The following PFKFB3 variants were observed in gnomAD, a reference collection of about 807,000 sequenced individuals.
PFKFB3 encodes the protein 6-phosphofructo-2-kinase/fructose-2,6-bisphosphatase 3.
PFKFB3 carries 33 observed loss-of-function variants against 68.0 expected under a neutral mutation model. The observed-to-expected ratio is 0.49, with a 90% CI of 0.37 to 0.65. The LOEUF is 0.65. Among genes scored for constraint, PFKFB3 ranks in the 30% least tolerant of loss-of-function variants. PFKFB3 has a pLI of 0.00. For synonymous variants in PFKFB3, 315 were observed against 288.2 expected (o/e 1.09, Z -0.94); for missense variants, 586 against 712.2 (o/e 0.82, Z 2.02).
chr10:6,196,168 G>A (rs1843170718), intron 1 of PFKFB3, among the ~76,000 whole-genome samples: 1 of 148,568 alleles, frequency 6.7e-6, no homozygotes, highest in Non-Finnish European at 1.5e-5. Context: ...GTCTCGCTCT[G>A]TCTCCTAGGC....
At chr10:6,274,311 G>A in the PFKFB3 span, among the ~76,000 whole-genome samples, 1 of 152,076 alleles carries the variant, frequency 6.6e-6, no homozygotes, top group Non-Finnish European at 1.5e-5. Context: ...TGTGTGTGCT[G>A]TAGCCCCTCT....
Position 6,203,151 on chromosome 10 carries a change from C to G in PFKFB3, c.-110C>G. 2 of 1,504,192 alleles carry G rather than the reference C, an allele frequency of 1.3e-6. No homozygotes were observed. The highest frequency in any genetic ancestry group is 1.8e-6 in the Non-Finnish European group (2 of 1,129,142). 93.2% of individuals were successfully genotyped at this position (1,504,192 alleles called of 1,614,324 possible). ...GCAGCGCAGGAAACGCCCGGCCGCGCGCCGGCGCACGCCCCCCTCTCCTCC... is the reference window on the plus strand; with the variant it reads ...GCAGCGCAGGAAACGCCCGGCCGCGGGCCGGCGCACGCCCCCCTCTCCTCC... On this transcript the variant is annotated 5_prime_UTR_variant, in exon 1 of 15. Coordinates refer to ENST00000379775, the MANE Select transcript of PFKFB3 (RefSeq NM_004566.4).
intron 14 of PFKFB3, among the ~76,000 whole-genome samples, chr10:6,249,580 T>A (rs899249362): frequency 6.6e-6 from 1 of 152,218 alleles, no homozygotes; most frequent in Non-Finnish European, 1.5e-5. Flanking sequence ...CATTAAATAA[T>A]CAAGGCACAG....
At chr10:6,169,545 C>T (rs1055012816) in intron 1 of PFKFB3, among the ~76,000 whole-genome samples, 1 of 152,094 alleles carries the variant, frequency 6.6e-6, no homozygotes, top group Non-Finnish European at 1.5e-5. Context: ...GTTCCCCAGG[C>T]CCTGAGGGTT....
intron 1 of PFKFB3, among the ~76,000 whole-genome samples, chr10:6,195,543 C>A (rs572428058): frequency 6.6e-6 from 1 of 152,208 alleles, no homozygotes; most frequent in Non-Finnish European, 1.5e-5. Context: ...GGGGTCACTG[C>A]GGCCCAGGAC....
the PFKFB3 span, among the ~76,000 whole-genome samples, chr10:6,286,817 T>C: frequency 6.6e-6 from 1 of 152,246 alleles, no homozygotes; most frequent in Non-Finnish European, 1.5e-5. Context: ...TTTCCACTCT[T>C]TTTTCTGCAT....
the PFKFB3 span, among the ~76,000 whole-genome samples, chr10:6,304,090 T>C: frequency 1.3e-5 from 2 of 152,200 alleles, no homozygotes; most frequent in Admixed American, 6.5e-5. Context: ...ATCAGAGTTT[T>C]AGTGCCCCAG....
intron 1 of PFKFB3, among the ~76,000 whole-genome samples, chr10:6,153,810 C>T (rs972869110): frequency 1.3e-5 from 2 of 150,976 alleles, no homozygotes; most frequent in Non-Finnish European, 3.0e-5. Flanking sequence ...GCTGAGATCG[C>T]GCCACTGCAC....
chr10:6,177,440 C>CTTTT (rs1491261027), intron 1 of PFKFB3, among the ~76,000 whole-genome samples: 1 of 90,202 alleles, frequency 1.1e-5, no homozygotes, highest in Non-Finnish European at 2.3e-5. Context: ...TTTTCTTTCT[C>CTTTT]TTTCTTTCTT....
chr10:6,176,837 C>T (rs570698788), intron 1 of PFKFB3, among the ~76,000 whole-genome samples: 1 of 152,146 alleles, frequency 6.6e-6, no homozygotes, highest in Admixed American at 6.5e-5. Flanking sequence ...TGGATGAGAT[C>T]GTGGTTTTCA....
chr10:6,200,013 A>G (rs1049663077), upstream of PFKFB3, among the ~76,000 whole-genome samples: 6 of 150,062 alleles, frequency 4.0e-5, no homozygotes, highest in African/African-American at 1.5e-4. Context: ...CGTGTCAAGC[A>G]GAAGGGAAAA....
the PFKFB3 span, among the ~76,000 whole-genome samples, chr10:6,323,732 A>G: frequency 5.3e-5 from 8 of 152,162 alleles, no homozygotes; most frequent in Non-Finnish European, 8.8e-5. Flanking sequence ...GAAGCCAATG[A>G]CTGTTATCAA....
the PFKFB3 span, among the ~76,000 whole-genome samples, chr10:6,266,626 T>C: frequency 6.6e-6 from 1 of 152,246 alleles, no homozygotes; most frequent in Non-Finnish European, 1.5e-5. Flanking sequence ...TCTATATCTA[T>C]ATATGGTTGT....
At chr10:6,199,238 G>A (rs555050860), upstream of PFKFB3, among the ~76,000 whole-genome samples, 4 of 152,192 alleles carry the variant, frequency 2.6e-5, no homozygotes, top group African/African-American at 4.8e-5. Context: ...CTGGGGCAGC[G>A]GGTAGGTCCT....
chr10:6,226,295 A>C lies in PFKFB3; in HGVS notation c.1445A>C (p.His482Pro), dbSNP rs375524545. 7 of 1,614,168 alleles carry C rather than the reference A, an allele frequency of 4.3e-6. No homozygotes were observed. The highest frequency in any genetic ancestry group is 5.9e-6 in the Non-Finnish European group (7 of 1,180,016). The change falls in exon 14 of 15, where the codon CAT (histidine) becomes CCT (proline). Residue 482 changes from histidine (H) to proline (P), a missense_variant. Physicochemically the swap from His to Pro is moderately conservative, Grantham distance 77. Coordinates refer to ENST00000379775, the MANE Select transcript of PFKFB3 (RefSeq NM_004566.4). ...KKPRINSFEE[H>P]VASTSAALPS... Reference sequence around the variant, plus strand: ...CCTCGCATCAACAGCTTTGAGGAGCATGTGGCCTCCACCTCGGCCGCCCTG... The same window carrying C: ...CCTCGCATCAACAGCTTTGAGGAGCCTGTGGCCTCCACCTCGGCCGCCCTG...
chr10:6,267,390 C>T, the PFKFB3 span, among the ~76,000 whole-genome samples: 4 of 152,234 alleles, frequency 2.6e-5, no homozygotes, highest in Non-Finnish European at 5.9e-5. Context: ...CTTTCCCTTT[C>T]CTCACTTCAG....
rs912485843 is a variant in PFKFB3, at chr10:6,154,327, C to T, written c.16+9314C>T. On this transcript the variant is annotated intron_variant, in intron 1 of 14. Transcript: ENST00000379789. The surrounding 1 kb of genome is among the most constrained non-coding windows in gnomAD (Gnocchi z 4.6). ...GTGGCGCGTTCTCGGCTCACTGCAA[C>T]CTCTGCCTCTCGAGTTCAAGCGATC... 7.3e-5 allele frequency among the ~76,000 whole-genome samples: 11 copies of T among 151,646 alleles called. No homozygotes were observed. Among genetic ancestry groups the T allele is most frequent in the Non-Finnish European group, 1.5e-4 (10 of 67,952 alleles).
At chr10:6,160,351 G>C (rs927926473) in intron 1 of PFKFB3, among the ~76,000 whole-genome samples, 1 of 151,908 alleles carries the variant, frequency 6.6e-6, no homozygotes, top group Non-Finnish European at 1.5e-5. Context: ...CGAGGACTGT[G>C]ATTGCTCCCA....
At chr10:6,182,945 C>T (rs1842761017) in intron 1 of PFKFB3, among the ~76,000 whole-genome samples, 1 of 152,174 alleles carries the variant, frequency 6.6e-6, no homozygotes, top group Non-Finnish European at 1.5e-5. Flanking sequence ...CCCCACAGAC[C>T]CACCTGTCGC....
Sources: allele counts gnomAD v4.1 joint callset (sites outside exome capture counted in the v4.1 genomes callset), GRCh38; gene constraint gnomAD v4.1.1; non-coding constraint Gnocchi (gnomAD v3.1); transcripts MANE v1.5; gene names NCBI Gene and HGNC (gene_info 2026-07-23, HGNC 2026-07-21).